The following HIRA variants were observed in gnomAD, a reference collection of about 807,000 sequenced individuals.
The protein encoded by HIRA is protein HIRA.
Under a neutral mutation model 126.6 loss-of-function variants are expected in HIRA, and 13 were observed. The ratio of observed to expected loss-of-function variants is 0.10; its 90% CI spans 0.07 to 0.16. The LOEUF (loss-of-function observed/expected upper bound fraction) is 0.16, where lower values mean the gene tolerates loss of function less well. HIRA is among the 10% of genes least tolerant of loss of function. The pLI is 1.00. For synonymous variants in HIRA, 511 were observed against 520.0 expected (o/e 0.98, Z 0.24); for missense variants, 834 against 1,314.4 (o/e 0.63, Z 5.65).
intron 15 of HIRA, among the ~76,000 whole-genome samples, chr22:19,372,716 C>T (rs1006441754): frequency 2.0e-5 from 3 of 151,866 alleles, no homozygotes; most frequent in East Asian, 1.9e-4. Context: ...GGATTATAGG[C>T]GCCTGCCACC....
chr22:19,353,562 T>C (rs1479436243), intron 22 of HIRA, 43 bp from the exon 23 acceptor site: 2 of 1,545,780 alleles, frequency 1.3e-6, no homozygotes, highest in African/African-American at 2.7e-5. Flanking sequence ...CAGCAGGCAC[T>C]ACACAGAGTC....
chr22:19,416,301 A>C (rs2089397398), intron 1 of HIRA, among the ~76,000 whole-genome samples: 1 of 152,088 alleles, frequency 6.6e-6, no homozygotes, highest in Non-Finnish European at 1.5e-5. Flanking sequence ...ATTTGGCAGT[A>C]ATTTCTTTTT....
chr22:19,412,654 C>T (rs2089363229), intron 1 of HIRA, among the ~76,000 whole-genome samples: 1 of 152,176 alleles, frequency 6.6e-6, no homozygotes, highest in Admixed American at 6.5e-5. Context: ...TCAAGAAGCA[C>T]ACCAGAAACC....
chr22:19,415,573 GAGGT>G (rs1258932900), intron 1 of HIRA, among the ~76,000 whole-genome samples: 1 of 152,204 alleles, frequency 6.6e-6, no homozygotes, highest in Non-Finnish European at 1.5e-5. Flanking sequence ...TGGATCACAT[GAGGT>G]TGGGAGTCCA....
At chr22:19,409,678 A>G (rs938920016) in intron 2 of HIRA, among the ~76,000 whole-genome samples, 2 of 152,182 alleles carry the variant, frequency 1.3e-5, no homozygotes, top group East Asian at 1.9e-4. Context: ...TCCAATGAAC[A>G]TGCCAAAATT....
intron 1 of HIRA, among the ~76,000 whole-genome samples, chr22:19,421,352 AC>A (rs1302668078): frequency 6.6e-6 from 1 of 151,962 alleles, no homozygotes; most frequent in Non-Finnish European, 1.5e-5. Context: ...AGTTATCTGT[AC>A]AATGCAAGGT....
chr22:19,388,937 C>T (rs1426713231), intron 9 of HIRA, among the ~76,000 whole-genome samples: 1 of 152,154 alleles, frequency 6.6e-6, no homozygotes, highest in East Asian at 1.9e-4. Flanking sequence ...ATGCCAAAGC[C>T]TAGACAGGGG....
chr22:19,354,208 A>G, intron 21 of HIRA, 90 bp from the exon 22 acceptor site: 1 of 1,346,308 alleles, frequency 7.4e-7, no homozygotes, highest in Middle Eastern at 2.0e-4. Flanking sequence ...CAAAGAGGCC[A>G]CAGAGAAGCA....
At chr22:19,367,668 G>A (rs529694381) in intron 15 of HIRA, among the ~76,000 whole-genome samples, 92 of 152,098 alleles carry the variant, frequency 6.0e-4, no homozygotes, top group African/African-American at 2.1e-3. Flanking sequence ...AGCTGAGCCC[G>A]GCCAGCCTCC....
rs756868623 is a variant in HIRA at position 19,419,356 on chromosome 22, G to A, written c.38-8578C>T. Among the ~76,000 whole-genome samples, 8 of 152,166 alleles carry A rather than the reference G, an allele frequency of 5.3e-5. No homozygotes were observed. The South Asian group carries it at 1.5e-3, about 28-fold the overall frequency. On this transcript the variant is annotated intron_variant, in intron 1 of 24. Transcript: ENST00000263208. ...TCATCTCCTACTAACCCCCACCATC[G>A]CTGGTCTTCCTCTTTTCTTGGACTG...
At chr22:19,423,546 G>C (rs2089466291) in intron 1 of HIRA, among the ~76,000 whole-genome samples, 1 of 149,984 alleles carries the variant, frequency 6.7e-6, no homozygotes, top group Non-Finnish European at 1.5e-5. Context: ...TCTTAAAACA[G>C]CAGTGAATTT....
At chr22:19,397,152 G>C (rs1216491844) in intron 6 of HIRA, among the ~76,000 whole-genome samples, 1 of 152,208 alleles carries the variant, frequency 6.6e-6, no homozygotes, top group Non-Finnish European at 1.5e-5. Flanking sequence ...CAAGGAGGCA[G>C]GCACCAAGGG....
At chr22:19,429,605 C>T (rs1250990345) in intron 1 of HIRA, among the ~76,000 whole-genome samples, 1 of 152,154 alleles carries the variant, frequency 6.6e-6, no homozygotes, top group African/African-American at 2.4e-5. Context: ...CAATAAGGGC[C>T]ACTGTTGTGC....
chr22:19,418,535 G>C (rs1231248252), intron 1 of HIRA, among the ~76,000 whole-genome samples: 1 of 152,126 alleles, frequency 6.6e-6, no homozygotes, highest in Non-Finnish European at 1.5e-5. Context: ...GGGAGGCTGA[G>C]GCAGGAGAAT....
chr22:19,398,062 G>A lies in HIRA; in HGVS notation c.423C>T (p.Pro141=). 6.2e-7 allele frequency: 1 copy of A among 1,614,002 alleles called. No individual in the cohort carries two copies. ...SGDVMDVAWS[P]HDAWLASCSV... ...TGCATGAGGCTAGCCAGGCATCGTGGGGAGACCATGCTACATCCATCACAT... is the reference window on the plus strand; with the variant it reads ...TGCATGAGGCTAGCCAGGCATCGTGAGGAGACCATGCTACATCCATCACAT... The change falls in exon 6 of 25, where the codon CCC becomes CCT. Residue 141 remains proline, a synonymous_variant. Transcript: ENST00000263208.
At chr22:19,353,580 G>T in intron 22 of HIRA, 61 bp from the exon 23 acceptor site, 1 of 1,485,100 alleles carries the variant, frequency 6.7e-7, no homozygotes, top group South Asian at 1.3e-5. Context: ...GTCAGGAACT[G>T]CCCCCGTGTG....
intron 17 of HIRA, 87 bp downstream of exon 17, chr22:19,361,150 A>G (rs773659658): frequency 1.9e-6 from 2 of 1,026,854 alleles, no homozygotes; most frequent in African/African-American, 1.6e-5. Context: ...ATCTCCAAGG[A>G]AGTGACAAGA....
intron 13 of HIRA, among the ~76,000 whole-genome samples, chr22:19,383,377 T>G (rs1250640378): frequency 6.6e-6 from 1 of 152,126 alleles, no homozygotes; most frequent in Non-Finnish European, 1.5e-5. Context: ...AACAGTGAAG[T>G]GCAGCAGATG....
At chr22:19,381,261 T>C (rs2089070901) in intron 13 of HIRA, among the ~76,000 whole-genome samples, 1 of 152,248 alleles carries the variant, frequency 6.6e-6, no homozygotes, top group South Asian at 2.1e-4. Context: ...TTTCATTGCC[T>C]ATGGCAGCTT....
Sources: allele counts gnomAD v4.1 joint callset (sites outside exome capture counted in the v4.1 genomes callset), GRCh38; gene constraint gnomAD v4.1.1; transcripts MANE v1.5; gene names NCBI Gene and HGNC (gene_info 2026-07-23, HGNC 2026-07-21).